GCLC: variants seen among roughly 807,000 people sequenced by gnomAD.
GCLC encodes glutamate--cysteine ligase catalytic subunit.
In GCLC, 30 loss-of-function variants were observed where a neutral mutation model predicts 81.5. The ratio of observed to expected loss-of-function variants is 0.37; its 90% confidence interval spans 0.28 to 0.50. The LOEUF (loss-of-function observed/expected upper bound fraction) is 0.50, where lower values mean the gene tolerates loss of function less well. GCLC is among the 20% of genes least tolerant of loss of function. The pLI is 0.96. For missense variants in GCLC, 556 were observed against 777.4 expected (o/e 0.72, Z 3.39); for synonymous variants, 262 against 273.3 (o/e 0.96, Z 0.41).
At chr6:53,536,553 T>C (rs1049135632) in intron 1 of GCLC, among the ~76,000 whole-genome samples, 1 of 152,224 alleles carries the variant, frequency 6.6e-6, no homozygotes, top group African/African-American at 2.4e-5. Flanking sequence ...GGATATGGTC[T>C]TTCCAGTAAT....
At chr6:53,509,047 C>G (rs17884309) in intron 7 of GCLC, 129 bp downstream of exon 7, 5 of 693,262 alleles carry the variant, frequency 7.2e-6, no homozygotes, top group Non-Finnish European at 1.3e-5. Context: ...AACCTACATA[C>G]TATTTATATT....
At chr6:53,500,380 AGCAG>A (rs762430003) in intron 13 of GCLC, 30 bp from the exon 14 acceptor site, 3 of 1,607,388 alleles carry the variant, frequency 1.9e-6, no homozygotes, top group Non-Finnish European at 2.6e-6. Context: ...GGGGAGCTTT[AGCAG>A]CTTGTTGCAG....
At chr6:53,518,990 C>T (rs61583240) in intron 3 of GCLC, among the ~76,000 whole-genome samples, 12,450 of 152,208 alleles carry the variant, frequency 0.082, 678 homozygotes, top group South Asian at 0.17. Context: ...ATCACCAGCA[C>T]CCACGGGCAT....
intron 1 of GCLC, among the ~76,000 whole-genome samples, chr6:53,533,045 T>C (rs1367941474): frequency 6.6e-6 from 1 of 152,222 alleles, no homozygotes; most frequent in Non-Finnish European, 1.5e-5. Context: ...CTCTTTTGGC[T>C]ATAAGTCTGA....
At chr6:53,541,280 A>T (rs1335510826) in intron 1 of GCLC, among the ~76,000 whole-genome samples, 1 of 152,214 alleles carries the variant, frequency 6.6e-6, no homozygotes, top group Non-Finnish European at 1.5e-5. Flanking sequence ...TGCATCCCAG[A>T]TCAAGGGCGG....
At chr6:53,503,412 A>G (rs1764550409) in intron 12 of GCLC, 1 of 152,216 alleles carries the variant, frequency 6.6e-6, no homozygotes, top group Non-Finnish European at 1.5e-5. Flanking sequence ...AAGACACTAG[A>G]TAAGACTTCT....
intron 6 of GCLC, among the ~76,000 whole-genome samples, chr6:53,512,509 T>C (rs1241490798): frequency 1.3e-5 from 2 of 152,148 alleles, no homozygotes; most frequent in Non-Finnish European, 2.9e-5. Flanking sequence ...TCAGTGTACT[T>C]GGGAAAGAAG....
intron 1 of GCLC, among the ~76,000 whole-genome samples, chr6:53,543,165 AAC>A (rs2127632581): frequency 6.6e-6 from 1 of 152,354 alleles, no homozygotes; most frequent in South Asian, 2.1e-4. Context: ...GCTCTAGGAA[AAC>A]AGAGGTGAAC....
At chr6:53,537,738 TA>T (rs1040736680) in intron 1 of GCLC, among the ~76,000 whole-genome samples, 6 of 151,160 alleles carry the variant, frequency 4.0e-5, no homozygotes, top group Non-Finnish European at 8.9e-5. Flanking sequence ...CAGTTAACTG[TA>T]AAAAAAAACC....
At chr6:53,531,339 T>A (rs1273984133) in intron 1 of GCLC, among the ~76,000 whole-genome samples, 1 of 152,202 alleles carries the variant, frequency 6.6e-6, no homozygotes, top group Admixed American at 6.5e-5. Context: ...AACTGCTGTT[T>A]CGTGGAAATG....
chr6:53,513,279 G>A (rs636933), intron 6 of GCLC: 30,395 of 152,272 alleles, frequency 0.2, 3,126 homozygotes, highest in Non-Finnish European at 0.24. Context: ...GCTCAGAGGG[G>A]TCTTACATGG....
intron 4 of GCLC, 84 bp downstream of exon 4, chr6:53,516,025 G>A (rs2127623485): frequency 4.7e-6 from 4 of 852,578 alleles, no homozygotes; most frequent in South Asian, 1.4e-5. Flanking sequence ...TGCTCAAAAA[G>A]GATTTCTAGA....
Position 53,498,576 on chromosome 6 carries a change from T to C in GCLC, c.*180A>G. On this transcript the variant is annotated 3_prime_UTR_variant, in exon 16 of 16. Transcript: ENST00000650454. The stretch of plus-strand genomic sequence containing the variant: ...AATCAAAAATACTTTACTATGTACA[T>C]GTACACTGTATAAACTCTAGATTTA... The C allele has an allele frequency of 1.6e-6, 1 of 635,828 alleles. No individual in the cohort carries two copies. The highest frequency in any genetic ancestry group is 1.8e-5 in the South Asian group (1 of 54,140). The allele number at this position is 635,828 out of a possible 1,614,324, so 39.4% of individuals were successfully genotyped here.
At chr6:53,523,573 C>A (rs1273074801) in intron 1 of GCLC, among the ~76,000 whole-genome samples, 1 of 152,176 alleles carries the variant, frequency 6.6e-6, no homozygotes, top group Non-Finnish European at 1.5e-5. Context: ...ACATGTAAAT[C>A]TAGGTTCTCA....
intron 1 of GCLC, among the ~76,000 whole-genome samples, chr6:53,526,653 C>T (rs1158181603): frequency 6.6e-6 from 1 of 152,002 alleles, no homozygotes; most frequent in Non-Finnish European, 1.5e-5. Flanking sequence ...AAAAAATTAG[C>T]TAGGCATGCT....
intron 4 of GCLC, 75 bp downstream of exon 4, chr6:53,516,034 G>A: frequency 1.1e-6 from 1 of 898,746 alleles, no homozygotes; most frequent in Non-Finnish European, 1.9e-6. Flanking sequence ...AGGATTTCTA[G>A]ACAGAAATAC....
intron 1 of GCLC, among the ~76,000 whole-genome samples, chr6:53,534,419 TC>T (rs1241031483): frequency 6.6e-6 from 1 of 150,830 alleles, no homozygotes; most frequent in East Asian, 1.9e-4. Context: ...GGGAAACACT[TC>T]CACTTCTAAT....
intron 1 of GCLC, among the ~76,000 whole-genome samples, chr6:53,536,590 TAC>T (rs1763261072): frequency 6.6e-6 from 1 of 152,220 alleles, no homozygotes; most frequent in South Asian, 2.1e-4. Context: ...ATGCTTCATA[TAC>T]AGTTTTCTAA....
chr6:53,525,463 A>T (rs556757377), intron 1 of GCLC, among the ~76,000 whole-genome samples: 18 of 152,330 alleles, frequency 1.2e-4, no homozygotes, highest in African/African-American at 4.1e-4. Context: ...TTATTTTATG[A>T]TTTCTGGATT....
Sources: gnomAD v4.1 joint callset for allele counts (sites outside exome capture counted in the v4.1 genomes callset) on GRCh38, gnomAD v4.1.1 for gene constraint, MANE v1.5 for transcripts, NCBI Gene and HGNC (gene_info 2026-07-23, HGNC 2026-07-21) for gene names.